FGF2: variants seen among roughly 807,000 people sequenced by gnomAD.
FGF2 encodes the protein basic fibroblast growth factor bFGF.
A neutral mutation model predicts 15.9 loss-of-function variants in FGF2; 13 were observed. The ratio of observed to expected loss-of-function variants is 0.82; its 90% CI spans 0.53 to 1.30. FGF2 has a LOEUF of 1.30. Among genes scored for constraint, FGF2 ranks in the 50% most tolerant of loss-of-function variants. The pLI, the probability that FGF2 is intolerant of heterozygous loss-of-function variation, is 0.00. For missense variants in FGF2, 163 were observed against 196.9 expected (o/e 0.83, Z 1.03); for synonymous variants, 90 against 78.4 (o/e 1.15, Z -0.78).
intron 1 of FGF2, among the ~76,000 whole-genome samples, chr4:122,845,340 A>G (rs1726087937): frequency 6.6e-6 from 1 of 152,192 alleles, no homozygotes; most frequent in African/African-American, 2.4e-5. Flanking sequence ...AGAATGGTAA[A>G]TGAGCATTGG....
chr4:122,836,311 T>G (rs922016603), intron 1 of FGF2, among the ~76,000 whole-genome samples: 2 of 152,212 alleles, frequency 1.3e-5, no homozygotes, highest in African/African-American at 2.4e-5. Context: ...ACGTCTCCTG[T>G]CTTCCTTGTC....
chr4:122,860,009 C>T (rs1208555488), intron 1 of FGF2, among the ~76,000 whole-genome samples: 1 of 152,132 alleles, frequency 6.6e-6, no homozygotes, highest in East Asian at 1.9e-4. Context: ...TTTCTAACTC[C>T]TGGTTTCCTA....
chr4:122,881,199 TGG>T (rs1726954627), intron 2 of FGF2, among the ~76,000 whole-genome samples: 1 of 152,270 alleles, frequency 6.6e-6, no homozygotes, highest in South Asian at 2.1e-4. Flanking sequence ...GGGCCTGTGA[TGG>T]GAAGGACTGC....
intron 1 of FGF2, among the ~76,000 whole-genome samples, chr4:122,850,980 CAT>C (rs1239651155): frequency 9.9e-5 from 15 of 152,238 alleles, no homozygotes; most frequent in African/African-American, 3.4e-4. Context: ...AATAAGAACA[CAT>C]AGTATAAGAA....
At chr4:122,886,677 A>C (rs115727409) in intron 2 of FGF2, among the ~76,000 whole-genome samples, 2,165 of 152,076 alleles carry the variant, frequency 0.014, 56 homozygotes, top group African/African-American at 0.049. Flanking sequence ...GGCCATTGGG[A>C]GCTCTTTCAG....
At chr4:122,839,517 T>C (rs1232475969) in intron 1 of FGF2, among the ~76,000 whole-genome samples, 1 of 152,220 alleles carries the variant, frequency 6.6e-6, no homozygotes, top group African/African-American at 2.4e-5. Flanking sequence ...CAAGAAAGCA[T>C]GTAGCAAGAC....
At chr4:122,842,557 C>G (rs550625423) in intron 1 of FGF2, among the ~76,000 whole-genome samples, 50 of 152,180 alleles carry the variant, frequency 3.3e-4, no homozygotes, top group Non-Finnish European at 6.3e-4. Flanking sequence ...CTCTGTGAAG[C>G]TCGTCTCTGT....
intron 1 of FGF2, among the ~76,000 whole-genome samples, chr4:122,831,546 AC>A (rs1480961372): frequency 6.6e-6 from 1 of 152,248 alleles, no homozygotes; most frequent in Non-Finnish European, 1.5e-5. Context: ...CGTGATATTT[AC>A]TGTAATAAAT....
intron 1 of FGF2, among the ~76,000 whole-genome samples, chr4:122,870,486 A>G (rs1005275789): frequency 9.9e-5 from 15 of 152,156 alleles, no homozygotes; most frequent in African/African-American, 3.6e-4. Context: ...CAGGCTATTA[A>G]TTACTGCCTC....
chr4:122,827,502 G>T lies in FGF2; in HGVS notation c.178+150G>T. Reference sequence around the variant, plus strand: ...GCCGCGCGGCCCTCGGCGGTTTCGGGTTCACCACTCACCCCCTCCTTTCCG... The same window carrying T: ...GCCGCGCGGCCCTCGGCGGTTTCGGTTTCACCACTCACCCCCTCCTTTCCG... On this transcript the variant is annotated intron_variant, in intron 1 of 2. Coordinates refer to ENST00000644866, the MANE Select transcript of FGF2 (RefSeq NM_001361665.2). The surrounding 1 kb of genome is among the most constrained non-coding windows in gnomAD (Gnocchi z 4.2). 1.1e-6 allele frequency: 1 copy of T among 879,156 alleles called. No homozygotes were observed. Among genetic ancestry groups the T allele is most frequent in the Non-Finnish European group, 1.8e-6 (1 of 556,520 alleles). 54.5% of individuals were successfully genotyped at this position (879,156 alleles called of 1,614,324 possible).
At chr4:122,833,058 C>T (rs1351518754) in intron 1 of FGF2, among the ~76,000 whole-genome samples, 2 of 152,194 alleles carry the variant, frequency 1.3e-5, no homozygotes, top group Admixed American at 1.3e-4. Context: ...AGGCAACAGA[C>T]AGCCAATATT....
At chr4:122,871,858 A>C (rs1241953301) in intron 1 of FGF2, among the ~76,000 whole-genome samples, 1 of 151,776 alleles carries the variant, frequency 6.6e-6, no homozygotes, top group Non-Finnish European at 1.5e-5. Flanking sequence ...CAAAAACCCC[A>C]TTCAAGGGTC....
At position 122,892,562 on chromosome 4, in the gene FGF2, A is replaced by G. The variant is rs1727215494; in HGVS notation, c.*166A>G. ...ATGTAACCATTGTCCCAGTAAAGAA[A>G]AATAACAAAAGTTGTAAAATGTATA... is the stretch of plus-strand genomic sequence containing the variant. On this transcript the variant is annotated 3_prime_UTR_variant, in exon 3 of 3. Transcript: ENST00000644866. 4 of 1,456,510 alleles carry G rather than the reference A, an allele frequency of 2.7e-6. No individual in the cohort carries two copies. Among genetic ancestry groups the G allele is most frequent in the Admixed American group, 5.5e-5 (2 of 36,284 alleles). The allele number at this position is 1,456,510 out of a possible 1,614,324, so 90.2% of individuals were successfully genotyped here.
chr4:122,888,327 T>C (rs1337032387), intron 2 of FGF2, among the ~76,000 whole-genome samples: 1 of 152,186 alleles, frequency 6.6e-6, no homozygotes, highest in Non-Finnish European at 1.5e-5. Context: ...TCTCTGCCTG[T>C]ATTACTGAAT....
chr4:122,896,903 T>C lies in FGF2; in HGVS notation c.*4507T>C, dbSNP rs932218561. 6.6e-6 allele frequency: 1 copy of C among 152,204 alleles called. No homozygotes were observed. Among genetic ancestry groups the C allele is most frequent in the Non-Finnish European group, 1.5e-5 (1 of 68,034 alleles). 9.4% of individuals were successfully genotyped at this position (152,204 alleles called of 1,614,324 possible). A position where few individuals can be genotyped will look rare whatever the true frequency, so the allele number is the denominator to read the frequency against. ...TATTGGTATCAAACAAATACATTGA[T>C]TTGTCATGATACACATTGAATTTGA... On this transcript the variant is annotated 3_prime_UTR_variant, in exon 3 of 3. Coordinates refer to ENST00000644866, the MANE Select transcript of FGF2 (RefSeq NM_001361665.2).
At chr4:122,839,570 A>G (rs140951198) in intron 1 of FGF2, among the ~76,000 whole-genome samples, 2 of 152,278 alleles carry the variant, frequency 1.3e-5, no homozygotes, top group East Asian at 3.9e-4. Context: ...TCTTTCCTTT[A>G]TTGACTCTCC....
intron 2 of FGF2, among the ~76,000 whole-genome samples, chr4:122,878,087 A>G (rs1560754736): frequency 6.6e-6 from 1 of 152,192 alleles, no homozygotes; most frequent in Non-Finnish European, 1.5e-5. Context: ...TGAATATCAA[A>G]TTGTCTCTGC....
At chr4:122,867,824 A>G (rs142249493) in intron 1 of FGF2, among the ~76,000 whole-genome samples, 16 of 152,190 alleles carry the variant, frequency 1.1e-4, no homozygotes, top group African/African-American at 3.6e-4. Flanking sequence ...CAGATATTTT[A>G]GAGTTCTATT....
chr4:122,892,378 A>G lies in FGF2; in HGVS notation c.450A>G (p.Pro150=). The G allele has an allele frequency of 6.2e-7, 1 of 1,614,126 alleles. No individual in the cohort carries two copies. Among genetic ancestry groups the G allele is most frequent in the Non-Finnish European group, 8.5e-7 (1 of 1,179,992 alleles). ...GGCAGAAAGCTATACTTTTTCTTCC[A>G]ATGTCTGCTAAGAGCTGATTTTAAT... ...GPGQKAILFL[P]MSAKS Residue 150 remains proline (P), a synonymous_variant, in exon 3 of 3, where the codon CCA becomes CCG. Transcript: ENST00000644866.
Sources: gnomAD v4.1 joint callset for allele counts (sites outside exome capture counted in the v4.1 genomes callset) on GRCh38, gnomAD v4.1.1 for gene constraint, Gnocchi (gnomAD v3.1) non-coding constraint, MANE v1.5 for transcripts, NCBI Gene and HGNC (gene_info 2026-07-23, HGNC 2026-07-21) for gene names.